The following AGK variants were observed in gnomAD, a reference collection of about 807,000 sequenced individuals.
AGK encodes the protein acylglycerol kinase, mitochondrial.
In AGK, 52 loss-of-function variants were observed where a neutral mutation model predicts 66.4. The ratio of observed to expected loss-of-function variants is 0.78; its 90% confidence interval spans 0.63 to 0.99. The LOEUF (loss-of-function observed/expected upper bound fraction) is 0.99. Ranked by LOEUF, AGK falls within the 50% of genes least tolerant of loss-of-function variation. The pLI is 0.00. For missense variants in AGK, 451 were observed against 506.6 expected (o/e 0.89, Z 1.05); for synonymous variants, 182 against 181.1 (o/e 1.00, Z -0.04).
chr7:141,573,906 A>G (rs1457064891), intron 2 of AGK, among the ~76,000 whole-genome samples: 1 of 152,104 alleles, frequency 6.6e-6, no homozygotes, highest in Non-Finnish European at 1.5e-5. Context: ...TACATGTGCC[A>G]TGCTGGTATG....
intron 2 of AGK, among the ~76,000 whole-genome samples, chr7:141,578,191 T>C (rs1795794872): frequency 6.7e-6 from 1 of 150,222 alleles, no homozygotes; most frequent in Non-Finnish European, 1.5e-5. Flanking sequence ...CGAAGGGAGA[T>C]GGGGTGGGGC....
chr7:141,586,156 C>T lies in AGK; in HGVS notation c.102-6990C>T, dbSNP rs535021394. Among the ~76,000 whole-genome samples, 390 of 152,264 alleles carry T rather than the reference C, an allele frequency of 2.6e-3. 2 individuals are homozygous for T. Among genetic ancestry groups the T allele is most frequent in the South Asian group, 0.012 (56 of 4,822 alleles). On this transcript the variant is annotated intron_variant, in intron 2 of 15. Coordinates refer to ENST00000649286, the MANE Select transcript of AGK (RefSeq NM_018238.4). ...GGTGCTTGTGGTGTGTCAAAAGGAACTCCCCGCTTAGCCTCTTTAGAGGGT... is the reference window on the plus strand; with the variant it reads ...GGTGCTTGTGGTGTGTCAAAAGGAATTCCCCGCTTAGCCTCTTTAGAGGGT...
chr7:141,639,439 A>G (rs1169491010), intron 11 of AGK, among the ~76,000 whole-genome samples: 1 of 152,202 alleles, frequency 6.6e-6, no homozygotes, highest in African/African-American at 2.4e-5. Context: ...GGAGACAGAA[A>G]GCATGACTGA....
intron 4 of AGK, 21 bp downstream of exon 4, chr7:141,596,662 T>C (rs368617225): frequency 6.2e-7 from 1 of 1,606,778 alleles, no homozygotes; most frequent in African/African-American, 1.3e-5. Context: ...TTGTGACTTG[T>C]TATATACTTG....
At chr7:141,596,516 C>A in intron 3 of AGK, 46 bp from the exon 4 acceptor site, 1 of 1,531,334 alleles carries the variant, frequency 6.5e-7, no homozygotes, top group South Asian at 1.1e-5. Context: ...TGACATTTAC[C>A]AAATAAATGG....
chr7:141,625,795 A>T (rs943226182), intron 9 of AGK, among the ~76,000 whole-genome samples: 3 of 152,110 alleles, frequency 2.0e-5, no homozygotes, highest in African/African-American at 7.2e-5. Context: ...AATTCAGGCT[A>T]CTTGGTCATC....
At chr7:141,617,992 A>G (rs1223895890) in intron 8 of AGK, among the ~76,000 whole-genome samples, 2 of 152,186 alleles carry the variant, frequency 1.3e-5, no homozygotes, top group Non-Finnish European at 2.9e-5. Flanking sequence ...AGAGAAAAAA[A>G]TGGTGTAAAA....
At chr7:141,645,317 C>G (rs1797386771) in intron 13 of AGK, among the ~76,000 whole-genome samples, 1 of 152,028 alleles carries the variant, frequency 6.6e-6, no homozygotes, top group African/African-American at 2.4e-5. Context: ...TAAATAATAT[C>G]TATTAAAATT....
chr7:141,611,411 G>C lies in AGK; in HGVS notation c.390+124G>C, dbSNP rs371291298. On this transcript the variant is annotated intron_variant, in intron 6 of 15. Coordinates refer to ENST00000649286, the MANE Select transcript of AGK (RefSeq NM_018238.4). Reference sequence around the variant, plus strand: ...TTTAATTCATTATTTTAGGATTGTTGCTCTCTAAAGCTAGTATAGCTTTAA... The same window carrying C: ...TTTAATTCATTATTTTAGGATTGTTCCTCTCTAAAGCTAGTATAGCTTTAA... 4.8e-5 allele frequency: 29 copies of C among 603,202 alleles called. No individual in the cohort carries two copies. The East Asian group carries it at 9.2e-4, about 19-fold the overall frequency. The allele number at this position is 603,202 out of a possible 1,614,324, so 37.4% of individuals were successfully genotyped here.
rs566659511 is a variant in AGK, at chr7:141,638,372, A to G, written c.726+1355A>G. 6.6e-5 allele frequency among the ~76,000 whole-genome samples: 10 copies of G among 152,300 alleles called. No homozygotes were observed. In the South Asian group the frequency reaches 2.1e-3, roughly 32 times the overall value. ...ATTATGATTAATGCAGTAAAATGGCAGGAAGTGAAGCCAGTGGGTTAGGTA... is the reference window on the plus strand; with the variant it reads ...ATTATGATTAATGCAGTAAAATGGCGGGAAGTGAAGCCAGTGGGTTAGGTA... On this transcript the variant is annotated intron_variant, in intron 11 of 15. Transcript: ENST00000649286.
chr7:141,570,909 C>A (rs1410138587), intron 2 of AGK, among the ~76,000 whole-genome samples: 1 of 152,040 alleles, frequency 6.6e-6, no homozygotes, highest in Non-Finnish European at 1.5e-5. Context: ...AAGTATAACT[C>A]CTCTTCTTTT....
At chr7:141,634,287 C>G (rs934309194) in intron 10 of AGK, among the ~76,000 whole-genome samples, 14 of 152,192 alleles carry the variant, frequency 9.2e-5, no homozygotes, top group Admixed American at 9.2e-4. Flanking sequence ...GTAGGGAGAA[C>G]TGGATTGCCT....
intron 2 of AGK, among the ~76,000 whole-genome samples, chr7:141,579,178 A>C (rs964765848): frequency 1.3e-5 from 2 of 152,068 alleles, no homozygotes; most frequent in African/African-American, 4.8e-5. Flanking sequence ...TTCCAAGGAC[A>C]GGCCCGAATT....
chr7:141,650,611 T>C lies in AGK; in HGVS notation c.1047-914T>C. On this transcript the variant is annotated intron_variant, in intron 14 of 15. Coordinates refer to ENST00000649286, the MANE Select transcript of AGK (RefSeq NM_018238.4). ...AATGGACTGATTTACTTAGATTAGC[T>C]TTTACTGTATTTCCACTGCCTAAAA... The C allele has an allele frequency of 4.1e-6, 4 of 985,462 alleles. No homozygotes were observed. The South Asian group carries it at 1.9e-4, about 46-fold the overall frequency. The allele number at this position is 985,462 out of a possible 1,614,324, so 61.0% of individuals were successfully genotyped here. A position where few individuals can be genotyped will look rare whatever the true frequency, so the allele number is the denominator to read the frequency against.
chr7:141,595,372 A>G (rs1796206981), intron 3 of AGK, among the ~76,000 whole-genome samples: 1 of 152,250 alleles, frequency 6.6e-6, no homozygotes. Flanking sequence ...TTAAAGTCTA[A>G]GTAAGAATGA....
intron 11 of AGK, among the ~76,000 whole-genome samples, chr7:141,640,543 T>C (rs183385710): frequency 6.6e-6 from 1 of 152,240 alleles, no homozygotes; most frequent in East Asian, 1.9e-4. Context: ...GGGATGTGAT[T>C]AGAGAGCAGG....
At chr7:141,596,509 CA>C in intron 3 of AGK, 52 bp from the exon 4 acceptor site, 1 of 1,493,530 alleles carries the variant, frequency 6.7e-7, no homozygotes, top group Non-Finnish European at 9.3e-7. Flanking sequence ...ATACATGTGA[CA>C]TTTACCAAAT....
At chr7:141,566,915 C>T (rs1048121481) in intron 2 of AGK, among the ~76,000 whole-genome samples, 1 of 152,154 alleles carries the variant, frequency 6.6e-6, no homozygotes, top group Admixed American at 6.5e-5. Context: ...ACACCGTCCT[C>T]AGAAGTGTAC....
At position 141,653,121 on chromosome 7, in the gene AGK, C is replaced by A. The variant is rs987287830; in HGVS notation, c.*197C>A. 1 of 585,170 alleles carries A rather than the reference C, an allele frequency of 1.7e-6. No individual in the cohort carries two copies. Among genetic ancestry groups the A allele is most frequent in the Non-Finnish European group, 3.0e-6 (1 of 336,642 alleles). The allele number at this position is 585,170 out of a possible 1,614,324, so 36.2% of individuals were successfully genotyped here. A position where few individuals can be genotyped will look rare whatever the true frequency, so the allele number is the denominator to read the frequency against. ...CTGCTTTGCAATCGGCTTCCATTAG[C>A]GCATGTTTTATTTTGGTGTGACGGT... On this transcript the variant is annotated 3_prime_UTR_variant, in exon 16 of 16. Transcript: ENST00000649286.
Sources: gnomAD v4.1 joint callset for allele counts (sites outside exome capture counted in the v4.1 genomes callset) on GRCh38, gnomAD v4.1.1 for gene constraint, MANE v1.5 for transcripts, NCBI Gene and HGNC (gene_info 2026-07-23, HGNC 2026-07-21) for gene names.